LPAR1: variants seen among roughly 807,000 people sequenced by gnomAD.
The protein encoded by LPAR1 is LPA receptor 1.
A neutral mutation model predicts 23.8 loss-of-function variants in LPAR1; 5 were observed. That is an observed-to-expected ratio of 0.21 (90% CI 0.11 to 0.44). The LOEUF is 0.44. Among genes scored for constraint, LPAR1 ranks in the 20% least tolerant of loss-of-function variants. The pLI is 0.99. For synonymous variants in LPAR1, 160 were observed against 164.7 expected (o/e 0.97, Z 0.22); for missense variants, 311 against 482.8 (o/e 0.64, Z 3.33).
chr9:111,005,725 C>G (rs1380638886), intron 2 of LPAR1, among the ~76,000 whole-genome samples: 1 of 152,040 alleles, frequency 6.6e-6, no homozygotes, highest in African/African-American at 2.4e-5. Context: ...CATCATGTTA[C>G]TTCATGCCTT....
intron 4 of LPAR1, among the ~76,000 whole-genome samples, chr9:110,950,186 G>A (rs768924603): frequency 2.0e-4 from 30 of 152,088 alleles, no homozygotes; most frequent in Middle Eastern, 3.4e-3. Context: ...AAGGACAGGC[G>A]TGGTGGTTGA....
chr9:111,038,906 C>T (rs564760138), upstream of LPAR1, among the ~76,000 whole-genome samples: 65 of 152,320 alleles, frequency 4.3e-4, no homozygotes, highest in African/African-American at 1.5e-3. This position sits in a 1 kb window ranked among gnomAD's most constrained non-coding sequence, Gnocchi z 4.4. Context: ...CCGGTGGACG[C>T]CCCGGCACGG....
intron 2 of LPAR1, among the ~76,000 whole-genome samples, chr9:111,005,575 A>AAAAAAAAAAAAAAAAAAAAAAAAAG (rs1564316925): frequency 7.6e-6 from 1 of 131,486 alleles, no homozygotes. Context: ...AAAAAAAAAA[A>AAAAAAAAAAAAAAAAAAAAAAAAAG]AAGAAGAATT....
chr9:111,001,875 C>A (rs2097134652), intron 2 of LPAR1, among the ~76,000 whole-genome samples: 1 of 152,136 alleles, frequency 6.6e-6, no homozygotes, highest in Non-Finnish European at 1.5e-5. Flanking sequence ...AGATTAAAAG[C>A]TCAATTAGAA....
chr9:111,014,072 T>C (rs1350265463), intron 2 of LPAR1, among the ~76,000 whole-genome samples: 1 of 152,150 alleles, frequency 6.6e-6, no homozygotes, highest in Non-Finnish European at 1.5e-5. Flanking sequence ...CCAAGGTCAA[T>C]TCTCACAATG....
chr9:111,010,788 C>T (rs2097316674), intron 2 of LPAR1, among the ~76,000 whole-genome samples: 1 of 152,148 alleles, frequency 6.6e-6, no homozygotes, highest in Admixed American at 6.6e-5. Flanking sequence ...GATAGGAAAA[C>T]CTCACATTGC....
At position 110,878,201 on chromosome 9, in the gene LPAR1, A is replaced by G. The variant is rs1459383949; in HGVS notation, c.794-2479T>C. Reference sequence around the variant, plus strand: ...GTTTGGATCTTCAAGACTCAATCCAATAATTTCAGTGACTCACAGTACAGG... The same window carrying G: ...GTTTGGATCTTCAAGACTCAATCCAGTAATTTCAGTGACTCACAGTACAGG... On this transcript the variant is annotated intron_variant, in intron 5 of 5. Coordinates refer to ENST00000683809, the MANE Select transcript of LPAR1 (RefSeq NM_001351411.2). Among the ~76,000 whole-genome samples, 3 of 152,300 alleles carry G rather than the reference A, an allele frequency of 2.0e-5. No individual in the cohort carries two copies. The East Asian group carries it at 5.8e-4, about 29-fold the overall frequency.
At chr9:111,005,539 C>G (rs1287261232) in intron 2 of LPAR1, among the ~76,000 whole-genome samples, 2 of 107,022 alleles carry the variant, frequency 1.9e-5, no homozygotes, top group Admixed American at 1.1e-4. Flanking sequence ...CGAGTGAGAC[C>G]CTGTCTCAAA....
intron 5 of LPAR1, among the ~76,000 whole-genome samples, chr9:110,901,650 C>G (rs967285996): frequency 1.3e-5 from 2 of 152,136 alleles, no homozygotes; most frequent in African/African-American, 4.8e-5. Context: ...TTACCTCCCA[C>G]CAGGTACCTC....
intron 5 of LPAR1, among the ~76,000 whole-genome samples, chr9:110,882,539 C>T (rs2081170966): frequency 6.6e-6 from 1 of 152,194 alleles, no homozygotes; most frequent in South Asian, 2.1e-4. Context: ...AATGGTGGAA[C>T]AATTCCTACA....
At chr9:111,014,412 A>G (rs7864606) in intron 2 of LPAR1, among the ~76,000 whole-genome samples, 38,835 of 151,980 alleles carry the variant, frequency 0.26, 6,040 homozygotes, top group Non-Finnish European at 0.34. Context: ...GAAGTTGATG[A>G]ACATCAGGCA....
Position 111,024,116 on chromosome 9 carries a change from A to C in LPAR1, c.-182+12006T>G, listed in dbSNP as rs529393760. Among the ~76,000 whole-genome samples the C allele has an allele frequency of 6.7e-4, 102 of 152,266 alleles. 1 individual carries two copies. The Middle Eastern group carries it at 0.014, about 20-fold the overall frequency. ...AGCATGTTCTTGGACCATATGCACAATGCATACCACACCTTTTGAACTTCA... is the reference window on the plus strand; with the variant it reads ...AGCATGTTCTTGGACCATATGCACACTGCATACCACACCTTTTGAACTTCA... On this transcript the variant is annotated intron_variant, in intron 2 of 5. Transcript: ENST00000683809.
At chr9:110,936,564 G>T (rs150841182) in intron 5 of LPAR1, among the ~76,000 whole-genome samples, 4 of 152,180 alleles carry the variant, frequency 2.6e-5, no homozygotes, top group Non-Finnish European at 5.9e-5. Flanking sequence ...ACTCCTTGAT[G>T]TAAGAGTATA....
chr9:111,011,517 A>C (rs990722082), intron 2 of LPAR1, among the ~76,000 whole-genome samples: 1 of 152,190 alleles, frequency 6.6e-6, no homozygotes, highest in African/African-American at 2.4e-5. Flanking sequence ...AACCAAACTG[A>C]ATCCCGTTCT....
In LPAR1 at chr9:110,997,741, G is replaced by A. The variant is rs117193525; in HGVS notation, c.-181-24183C>T. ...CACAGATACTTGGACTAGAACAAAC[G>A]TATTATATTCTACATTTATTGCTAG... On this transcript the variant is annotated intron_variant, in intron 2 of 5. Transcript: ENST00000683809. Among the ~76,000 whole-genome samples the A allele has an allele frequency of 9.9e-3, 1,511 of 152,222 alleles. 12 individuals carry two copies. Among genetic ancestry groups the A allele is most frequent in the Non-Finnish European group, 0.016 (1,090 of 68,016 alleles).
rs911349877 is a variant in LPAR1 at position 111,005,385 on chromosome 9, T to C, written c.-182+30737A>G. 3.3e-5 allele frequency among the ~76,000 whole-genome samples: 5 copies of C among 149,730 alleles called. No individual in the cohort carries two copies. The South Asian group carries it at 6.3e-4, about 19-fold the overall frequency. ...GCTCAGGAGACCAGCCTGGGCAACA[T>C]GGTGAAAAAAATTAGCTGGGTGTGG... On this transcript the variant is annotated intron_variant, in intron 2 of 5. Coordinates refer to ENST00000683809, the MANE Select transcript of LPAR1 (RefSeq NM_001351411.2).
chr9:111,012,463 A>ACGCG (rs148908097), intron 2 of LPAR1, among the ~76,000 whole-genome samples: 1,403 of 130,518 alleles, frequency 0.011, 19 homozygotes, highest in African/African-American at 0.033. Flanking sequence ...GCATGTACGC[A>ACGCG]CGCGCGCACA....
At chr9:110,877,615 G>C (rs1033321273) in intron 5 of LPAR1, among the ~76,000 whole-genome samples, 8 of 152,118 alleles carry the variant, frequency 5.3e-5, no homozygotes, top group African/African-American at 1.9e-4. Context: ...GAAAATGCTT[G>C]GATGGAAAAT....
chr9:110,880,277 G>A (rs143550637), intron 5 of LPAR1, among the ~76,000 whole-genome samples: 47 of 152,238 alleles, frequency 3.1e-4, no homozygotes, highest in African/African-American at 1.1e-3. Flanking sequence ...GAATGCAGAC[G>A]CAAAAGGCAG....
Sources: gnomAD v4.1 joint callset for allele counts (sites outside exome capture counted in the v4.1 genomes callset) on GRCh38, gnomAD v4.1.1 for gene constraint, Gnocchi (gnomAD v3.1) non-coding constraint, MANE v1.5 for transcripts, NCBI Gene and HGNC (gene_info 2026-07-23, HGNC 2026-07-21) for gene names.